The following GDA variants were observed in gnomAD, a reference collection of about 807,000 sequenced individuals.
The protein encoded by GDA is guanine deaminase, also known as cytoplasmic PSD-95 interactor.
In GDA, 18 loss-of-function variants were observed where a neutral mutation model predicts 59.6. The ratio of observed to expected loss-of-function variants is 0.30; its 90% CI spans 0.21 to 0.45. The LOEUF (loss-of-function observed/expected upper bound fraction) is 0.45, where lower values mean the gene tolerates loss of function less well. Ranked by LOEUF, GDA falls within the 20% of genes least tolerant of loss-of-function variation. The pLI, the probability that GDA is intolerant of heterozygous loss-of-function variation, is 1.00. For synonymous variants in GDA, 201 were observed against 201.1 expected, an observed-to-expected ratio of 1.00 and a Z score of 0.00; for missense variants, 427 against 552.3, an observed-to-expected ratio of 0.77 and a Z score of 2.27.
At chr9:72,137,382 G>A (rs1453364638) in intron 1 of GDA, among the ~76,000 whole-genome samples, 1 of 151,410 alleles carries the variant, frequency 6.6e-6, no homozygotes, top group Admixed American at 6.6e-5. Context: ...GAGTAGCTGG[G>A]ACTACAGTCT....
chr9:72,171,825 G>A (rs930327386), intron 1 of GDA, among the ~76,000 whole-genome samples: 3 of 152,082 alleles, frequency 2.0e-5, no homozygotes, highest in African/African-American at 7.2e-5. Context: ...TGATGTTATT[G>A]AATGCTTACC....
intron 1 of GDA, among the ~76,000 whole-genome samples, chr9:72,195,248 A>G (rs1319979250): frequency 1.3e-5 from 2 of 151,924 alleles, no homozygotes; most frequent in East Asian, 3.9e-4. Context: ...TCTTCAATTG[A>G]GAATTTTTGA....
At chr9:72,116,773 T>G (rs1825465912) in intron 1 of GDA, among the ~76,000 whole-genome samples, 1 of 152,084 alleles carries the variant, frequency 6.6e-6, no homozygotes, top group South Asian at 2.1e-4. Flanking sequence ...CGTTATTTAT[T>G]TATTTATTTA....
chr9:72,159,936 G>C (rs992453812), intron 1 of GDA, among the ~76,000 whole-genome samples: 8 of 152,094 alleles, frequency 5.3e-5, no homozygotes, highest in African/African-American at 1.9e-4. Flanking sequence ...TAAAGTATAT[G>C]ATTCAGTGGC....
intron 1 of GDA, among the ~76,000 whole-genome samples, chr9:72,122,591 TTTATCTCTTATTTTCA>T (rs1825699695): frequency 1.3e-5 from 2 of 152,096 alleles, no homozygotes; most frequent in South Asian, 4.1e-4. Context: ...CTTGCACTTC[TTTATCTCTTATTTTCA>T]TTGCTTTTGG....
intron 11 of GDA, among the ~76,000 whole-genome samples, chr9:72,243,205 T>C (rs1839814394): frequency 6.6e-6 from 1 of 152,190 alleles, no homozygotes; most frequent in South Asian, 2.1e-4. Flanking sequence ...AAAACTCTAT[T>C]TCCTGAAATG....
intron 1 of GDA, among the ~76,000 whole-genome samples, chr9:72,154,922 G>A (rs1271713809): frequency 6.6e-6 from 1 of 152,156 alleles, no homozygotes; most frequent in Non-Finnish European, 1.5e-5. Context: ...ATAAATTGAT[G>A]AACAAAGTAT....
At chr9:72,256,130 T>TA (rs1176874675), downstream of GDA, among the ~76,000 whole-genome samples, 2 of 152,232 alleles carry the variant, frequency 1.3e-5, no homozygotes, top group Non-Finnish European at 2.9e-5. Flanking sequence ...ATTTCATACT[T>TA]AAAAAAGGTT....
intron 1 of GDA, among the ~76,000 whole-genome samples, chr9:72,136,383 T>C (rs2130634307): frequency 6.6e-6 from 1 of 152,322 alleles, no homozygotes; most frequent in Middle Eastern, 3.4e-3. Flanking sequence ...TTATGTGAAA[T>C]TCAATATTGC....
chr9:72,200,220 T>C (rs1327044957), intron 2 of GDA, among the ~76,000 whole-genome samples: 15 of 152,172 alleles, frequency 9.9e-5, no homozygotes, highest in Non-Finnish European at 1.2e-4. Context: ...ATGGTCTCGA[T>C]CTCCTGACCT....
intron 10 of GDA, among the ~76,000 whole-genome samples, chr9:72,239,008 C>A (rs943919457): frequency 6.6e-6 from 1 of 152,268 alleles, no homozygotes; most frequent in African/African-American, 2.4e-5. Flanking sequence ...TGTAGATATT[C>A]GTGATTTCTC....
In GDA at chr9:72,174,792, AC is replaced by A. The variant is rs1830370839; in HGVS notation, c.124-20707del. On this transcript the variant is annotated intron_variant, in intron 1 of 13. Coordinates refer to ENST00000358399, the MANE Select transcript of GDA (RefSeq NM_004293.5). ...GAGAGAGAGAGAGACAGACAGACAG[AC>A]AGAGACAGAGAGACAGAGACAGAGT... is the stretch of plus-strand genomic sequence containing the variant. Among the ~76,000 whole-genome samples, 3 of 152,118 alleles carry A rather than the reference AC, an allele frequency of 2.0e-5. No individual in the cohort carries two copies. In the South Asian group the frequency reaches 6.2e-4, roughly 32 times the overall value.
intron 6 of GDA, among the ~76,000 whole-genome samples, chr9:72,220,667 G>C (rs1401057162): frequency 6.6e-6 from 1 of 152,100 alleles, no homozygotes; most frequent in Non-Finnish European, 1.5e-5. Flanking sequence ...GACAGGGCTT[G>C]ATGGGCGTGG....
chr9:72,210,733 C>A lies in GDA; in HGVS notation c.431C>A (p.Thr144Lys). 1 of 1,611,738 alleles carries A rather than the reference C, an allele frequency of 6.2e-7. No homozygotes were observed. Among genetic ancestry groups the A allele is most frequent in the Non-Finnish European group, 8.5e-7 (1 of 1,177,912 alleles). The change falls in exon 4 of 14, where the codon ACA becomes AAA. Residue 144 changes from threonine (T) to lysine (K), a missense_variant. Thr to Lys is a moderately conservative substitution (Grantham distance 78). Coordinates refer to ENST00000358399, the MANE Select transcript of GDA (RefSeq NM_004293.5). ...NGTTTACYFA[T>K]IHTDSSLLLA... is the part of the protein sequence containing the mutation. Reference sequence around the variant, plus strand: ...ACAACCACAGCTTGTTACTTTGCAACAATTCACACTGACTCATCTCTGCTC... The same window carrying A: ...ACAACCACAGCTTGTTACTTTGCAAAAATTCACACTGACTCATCTCTGCTC...
At chr9:72,235,422 A>G (rs931763573) in intron 10 of GDA, among the ~76,000 whole-genome samples, 2 of 152,264 alleles carry the variant, frequency 1.3e-5, no homozygotes, top group Non-Finnish European at 2.9e-5. Flanking sequence ...AGTATAATAC[A>G]TAATTCTGTC....
chr9:72,247,102 T>G (rs781501234), intron 12 of GDA, among the ~76,000 whole-genome samples: 6 of 152,218 alleles, frequency 3.9e-5, no homozygotes, highest in Non-Finnish European at 7.3e-5. Flanking sequence ...TCTTGAAATA[T>G]TTGAATTATT....
At chr9:72,171,363 T>C (rs1014853739) in intron 1 of GDA, among the ~76,000 whole-genome samples, 2 of 152,222 alleles carry the variant, frequency 1.3e-5, no homozygotes, top group Admixed American at 6.5e-5. Flanking sequence ...AAGCATACCA[T>C]GTATATTTGT....
chr9:72,147,219 G>T (rs1221322532), upstream of GDA, among the ~76,000 whole-genome samples: 1 of 152,034 alleles, frequency 6.6e-6, no homozygotes, highest in East Asian at 1.9e-4. Flanking sequence ...GTTTTGTTTT[G>T]TTTTTTTGAG....
chr9:72,225,721 CT>C lies in GDA; in HGVS notation c.761del (p.Leu254TyrfsTer18). ...NRDEVEAVKNLYPSYKNYTSV... is the reference protein window; with the variant it reads ...NRDEVEAVKNXYPSYKNYTSV... ...GTGATGAAGTTGAAGCTGTGAAAAACTTATACCCCAGTTATAAAAACTACAC... is the reference window on the plus strand; with the variant it reads ...GTGATGAAGTTGAAGCTGTGAAAAACTATACCCCAGTTATAAAAACTACAC... On this transcript the variant is annotated frameshift_variant, in exon 8 of 14. Coordinates refer to ENST00000358399, the MANE Select transcript of GDA (RefSeq NM_004293.5). LOFTEE classifies it high-confidence loss of function. 6.4e-7 allele frequency: 1 copy of C among 1,556,754 alleles called. No homozygotes were observed. The highest frequency in any genetic ancestry group is 8.8e-7 in the Non-Finnish European group (1 of 1,134,542).
Sources: gnomAD v4.1 joint callset for allele counts (sites outside exome capture counted in the v4.1 genomes callset) on GRCh38, gnomAD v4.1.1 for gene constraint, MANE v1.5 for transcripts, NCBI Gene and HGNC (gene_info 2026-07-23, HGNC 2026-07-21) for gene names.